Variants in GRIN2A observed in about 807,000 individuals in gnomAD.
GRIN2A encodes glutamate ionotropic receptor NMDA type subunit 2A.
Under a neutral mutation model 113.4 loss-of-function variants are expected in GRIN2A, and 22 were observed. The ratio of observed to expected loss-of-function variants is 0.19; its 90% CI spans 0.14 to 0.28. The LOEUF (loss-of-function observed/expected upper bound fraction) is 0.28. Ranked by LOEUF, GRIN2A falls within the 10% of genes least tolerant of loss-of-function variation. GRIN2A has a pLI of 1.00. For missense variants in GRIN2A, 1,502 were observed against 1,887.0 expected (o/e 0.80, Z 3.78); for synonymous variants, 827 against 738.4 (o/e 1.12, Z -1.94).
At chr16:10,089,588 T>C (rs1255988734) in intron 2 of GRIN2A, among the ~76,000 whole-genome samples, 1 of 152,108 alleles carries the variant, frequency 6.6e-6, no homozygotes, top group Non-Finnish European at 1.5e-5. Context: ...GTTTGGGGTA[T>C]GTGTGCTTCT....
intron 7 of GRIN2A, among the ~76,000 whole-genome samples, chr16:9,836,400 G>A (rs1197665374): frequency 6.6e-6 from 1 of 152,206 alleles, no homozygotes; most frequent in Non-Finnish European, 1.5e-5. Flanking sequence ...TGCAGGCTGT[G>A]AAAACATTAT....
rs144208005 is a variant in GRIN2A, at chr16:10,106,307, A to G, written c.414+73691T>C. Among the ~76,000 whole-genome samples, 150 of 151,976 alleles carry G rather than the reference A, an allele frequency of 9.9e-4. 1 individual carries two copies. The East Asian group carries it at 0.021, about 22-fold the overall frequency. On this transcript the variant is annotated intron_variant, in intron 2 of 12. Coordinates refer to ENST00000330684, the MANE Select transcript of GRIN2A (RefSeq NM_001134407.3). ...TCTGGCACAGTGGCTCACTTCTGTA[A>G]TCCTAGCACTTTGGGAGACTGAGAG...
At chr16:10,110,003 A>T (rs541671757) in intron 2 of GRIN2A, among the ~76,000 whole-genome samples, 4 of 152,202 alleles carry the variant, frequency 2.6e-5, no homozygotes, top group African/African-American at 9.6e-5. Flanking sequence ...TGCATCCATT[A>T]ACTCGTCATC....
intron 2 of GRIN2A, among the ~76,000 whole-genome samples, chr16:10,034,743 A>G (rs1407841378): frequency 1.3e-5 from 2 of 152,078 alleles, no homozygotes; most frequent in African/African-American, 4.8e-5. Flanking sequence ...CCCCAAATCT[A>G]GAGTTCTCCT....
chr16:9,834,366 TA>T (rs2042550597), intron 7 of GRIN2A, 136 bp from the exon 8 acceptor site: 2 of 799,850 alleles, frequency 2.5e-6, no homozygotes, highest in Non-Finnish European at 4.2e-6. Context: ...CAAAAGAAGC[TA>T]ATCATTTTTT....
intron 2 of GRIN2A, among the ~76,000 whole-genome samples, chr16:10,055,493 A>T (rs374464121): frequency 1.3e-5 from 2 of 152,114 alleles, no homozygotes; most frequent in African/African-American, 4.8e-5. Flanking sequence ...CTTCTCTGAG[A>T]CTCCTTAGTT....
intron 2 of GRIN2A, among the ~76,000 whole-genome samples, chr16:10,096,868 C>T (rs1160660246): frequency 6.6e-6 from 1 of 152,212 alleles, no homozygotes; most frequent in African/African-American, 2.4e-5. Flanking sequence ...AAGCCACATT[C>T]TCTGAGCCTG....
chr16:9,796,123 A>G (rs1399644167), intron 11 of GRIN2A, among the ~76,000 whole-genome samples: 1 of 152,202 alleles, frequency 6.6e-6, no homozygotes, highest in Non-Finnish European at 1.5e-5. Flanking sequence ...AAGTCCCTAA[A>G]TATGTTAGCT....
intron 11 of GRIN2A, among the ~76,000 whole-genome samples, chr16:9,776,494 C>T (rs78378185): frequency 2.6e-5 from 4 of 152,162 alleles, no homozygotes; most frequent in Non-Finnish European, 4.4e-5. Flanking sequence ...ATCTGAGGAT[C>T]GGTCAGAGCC....
chr16:10,096,642 G>A (rs1396506753), intron 2 of GRIN2A, among the ~76,000 whole-genome samples: 14 of 151,170 alleles, frequency 9.3e-5, no homozygotes. Context: ...CTTCCAAGGG[G>A]CAAAGTCCAG....
intron 2 of GRIN2A, among the ~76,000 whole-genome samples, chr16:9,951,505 C>T (rs1327145368): frequency 2.6e-5 from 4 of 152,162 alleles, no homozygotes; most frequent in Non-Finnish European, 4.4e-5. Context: ...TCTGTTTGTT[C>T]TCTTCAGCAA....
At chr16:10,145,796 C>T (rs999765217) in intron 2 of GRIN2A, among the ~76,000 whole-genome samples, 1 of 152,198 alleles carries the variant, frequency 6.6e-6, no homozygotes, top group East Asian at 1.9e-4. Flanking sequence ...CCATAGAAAG[C>T]ACATCTACAG....
In GRIN2A at chr16:9,943,385, T is replaced by C. The variant is rs548611402; in HGVS notation, c.415-4834A>G. On this transcript the variant is annotated intron_variant, in intron 2 of 12. Coordinates refer to ENST00000330684, the MANE Select transcript of GRIN2A (RefSeq NM_001134407.3). Reference sequence around the variant, plus strand: ...TGGGTGTCTGCTCTAGACTCTGTGTTTCAGTACCATCATAACTGAGGACTC... The same window carrying C: ...TGGGTGTCTGCTCTAGACTCTGTGTCTCAGTACCATCATAACTGAGGACTC... 3 of 152,272 alleles carry C rather than the reference T, an allele frequency of 2.0e-5. No homozygotes were observed. In the East Asian group the frequency reaches 5.8e-4, roughly 29 times the overall value. The allele number at this position is 152,272 out of a possible 1,614,324, so 9.4% of individuals were successfully genotyped here. A position where few individuals can be genotyped will look rare whatever the true frequency, so the allele number is the denominator to read the frequency against.
chr16:9,925,562 C>G (rs1030519933), intron 3 of GRIN2A, among the ~76,000 whole-genome samples: 13 of 152,312 alleles, frequency 8.5e-5, no homozygotes, highest in African/African-American at 2.9e-4. Flanking sequence ...GAGTCTGCCA[C>G]ACTTGAATCC....
intron 2 of GRIN2A, among the ~76,000 whole-genome samples, chr16:10,021,320 C>T (rs979257895): frequency 3.3e-5 from 5 of 152,174 alleles, no homozygotes; most frequent in Non-Finnish European, 7.4e-5. Context: ...GGAATCCCTC[C>T]TGGATGGCCC....
chr16:9,946,960 C>A (rs551178509), intron 2 of GRIN2A, among the ~76,000 whole-genome samples: 2 of 152,290 alleles, frequency 1.3e-5, no homozygotes, highest in East Asian at 3.9e-4. Context: ...CAATTAATTA[C>A]CTCATTTTGC....
intron 2 of GRIN2A, among the ~76,000 whole-genome samples, chr16:9,976,397 T>A (rs888042474): frequency 7.2e-5 from 11 of 152,228 alleles, no homozygotes; most frequent in Non-Finnish European, 1.5e-4. Flanking sequence ...GGACACTAAC[T>A]GGTCTCCTGT....
intron 2 of GRIN2A, among the ~76,000 whole-genome samples, chr16:10,153,713 T>C (rs78468461): frequency 0.034 from 5,177 of 152,196 alleles, 114 homozygotes; most frequent in Non-Finnish European, 0.051. Flanking sequence ...ACAATCTTTG[T>C]TTGGGCTGGT....
intron 2 of GRIN2A, among the ~76,000 whole-genome samples, chr16:9,980,155 C>T (rs2045863318): frequency 6.6e-6 from 1 of 151,642 alleles, no homozygotes; most frequent in South Asian, 2.1e-4. Flanking sequence ...CGCCTGCAGT[C>T]ACAGCTACTT....
Sources: gnomAD v4.1 joint callset for allele counts (sites outside exome capture counted in the v4.1 genomes callset) on GRCh38, gnomAD v4.1.1 for gene constraint, MANE v1.5 for transcripts, NCBI Gene and HGNC (gene_info 2026-07-23, HGNC 2026-07-21) for gene names.